The following EFNA5 variants were observed in gnomAD, a reference collection of about 807,000 sequenced individuals.
EFNA5 encodes the protein ephrin-A5.
In EFNA5, 5 loss-of-function variants were observed where a neutral mutation model predicts 22.9. The observed-to-expected ratio is 0.22, with a 90% confidence interval of 0.11 to 0.46. EFNA5 has a LOEUF of 0.46. Among genes scored for constraint, EFNA5 ranks in the 20% least tolerant of loss-of-function variants. The pLI is 0.99. For synonymous variants in EFNA5, 113 were observed against 112.2 expected (o/e 1.01, Z -0.04); for missense variants, 237 against 293.3 (o/e 0.81, Z 1.40).
At chr5:107,525,772 TG>T (rs1299164486) in intron 1 of EFNA5, among the ~76,000 whole-genome samples, 11 of 151,276 alleles carry the variant, frequency 7.3e-5, no homozygotes, top group African/African-American at 2.7e-4. Flanking sequence ...GCAGAAGAGG[TG>T]GAAGAGGCTG....
chr5:107,616,546 C>T (rs1451921322), intron 1 of EFNA5, among the ~76,000 whole-genome samples: 1 of 152,072 alleles, frequency 6.6e-6, no homozygotes, highest in Non-Finnish European at 1.5e-5. Context: ...CATGCACATT[C>T]TTTTTAAAAA....
chr5:107,670,462 C>T (rs914646191), intron 1 of EFNA5, 27 bp downstream of exon 1: 6 of 1,547,600 alleles, frequency 3.9e-6, no homozygotes, highest in Non-Finnish European at 5.2e-6. Context: ...CCGGGTAGCC[C>T]TGGCTCTCCG....
At chr5:107,652,766 A>G (rs990542456) in intron 1 of EFNA5, among the ~76,000 whole-genome samples, 7 of 152,294 alleles carry the variant, frequency 4.6e-5, no homozygotes, top group East Asian at 3.9e-4. Flanking sequence ...TCACTAAAAC[A>G]TAAGTCAGCC....
chr5:107,581,779 C>T (rs1417818522), intron 1 of EFNA5, among the ~76,000 whole-genome samples: 1 of 152,186 alleles, frequency 6.6e-6, no homozygotes, highest in African/African-American at 2.4e-5. Context: ...AAAACAGATC[C>T]TTTTATATCT....
At chr5:107,538,615 A>G (rs1195447879) in intron 1 of EFNA5, among the ~76,000 whole-genome samples, 1 of 152,242 alleles carries the variant, frequency 6.6e-6, no homozygotes, top group African/African-American at 2.4e-5. Context: ...AGTAAAATGT[A>G]TTCAGTAAAC....
intron 4 of EFNA5, among the ~76,000 whole-genome samples, chr5:107,381,717 A>T (rs1019925381): frequency 6.6e-6 from 1 of 152,086 alleles, no homozygotes; most frequent in African/African-American, 2.4e-5. Flanking sequence ...TTTGAAACCT[A>T]AGATGTCACA....
intron 2 of EFNA5, among the ~76,000 whole-genome samples, chr5:107,415,190 T>C (rs1425826747): frequency 6.6e-6 from 1 of 152,268 alleles, no homozygotes; most frequent in Non-Finnish European, 1.5e-5. Context: ...TATATATATA[T>C]ATACATATGG....
chr5:107,542,559 G>C (rs575018872), intron 1 of EFNA5, among the ~76,000 whole-genome samples: 2 of 152,006 alleles, frequency 1.3e-5, no homozygotes, highest in Non-Finnish European at 2.9e-5. Context: ...GTATAAGGGG[G>C]GGGTGCGGGG....
At chr5:107,381,484 T>C in intron 4 of EFNA5, 108 bp from the exon 5 acceptor site, 1 of 1,254,844 alleles carries the variant, frequency 8.0e-7, no homozygotes, top group Non-Finnish European at 1.1e-6. Context: ...AGTAGGGTAA[T>C]GAACCTTGTG....
At chr5:107,670,034 A>T (rs1247507988) in intron 1 of EFNA5, among the ~76,000 whole-genome samples, 61 of 55,144 alleles carry the variant, frequency 1.1e-3, no homozygotes, top group African/African-American at 3.0e-3. Flanking sequence ...TAAAATTAAA[A>T]AAAAAAAAAA....
intron 1 of EFNA5, among the ~76,000 whole-genome samples, chr5:107,552,433 T>G (rs1748319990): frequency 6.6e-6 from 1 of 151,956 alleles, no homozygotes. Context: ...ATTTAATAGG[T>G]GAGGAAACTG....
intron 1 of EFNA5, among the ~76,000 whole-genome samples, chr5:107,512,642 G>A (rs565924657): frequency 5.7e-4 from 87 of 152,172 alleles, no homozygotes; most frequent in African/African-American, 2.0e-3. Context: ...ACACCATGGT[G>A]TTTTTGCAAA....
chr5:107,397,858 T>C (rs1747971503), intron 2 of EFNA5, among the ~76,000 whole-genome samples: 1 of 152,156 alleles, frequency 6.6e-6, no homozygotes, highest in Non-Finnish European at 1.5e-5. Context: ...TTTATGTTGA[T>C]TGAGTGGAGA....
chr5:107,668,262 T>C (rs1751116047), intron 1 of EFNA5, among the ~76,000 whole-genome samples: 2 of 152,198 alleles, frequency 1.3e-5, no homozygotes, highest in African/African-American at 4.8e-5. Context: ...CTCTTGGTAT[T>C]TTAAAATTCT....
chr5:107,498,211 C>G (rs1018280458), intron 1 of EFNA5, among the ~76,000 whole-genome samples: 8 of 152,342 alleles, frequency 5.3e-5, no homozygotes, highest in Admixed American at 2.0e-4. Flanking sequence ...CCAACAAGCC[C>G]GGCCTACAAT....
chr5:107,495,312 G>A (rs548430029), intron 1 of EFNA5, among the ~76,000 whole-genome samples: 38 of 152,276 alleles, frequency 2.5e-4, no homozygotes, highest in Non-Finnish European at 4.1e-4. Context: ...CTTAAGAGCT[G>A]TAACACTCAC....
At chr5:107,535,040 G>A (rs1747900112) in intron 1 of EFNA5, among the ~76,000 whole-genome samples, 1 of 152,242 alleles carries the variant, frequency 6.6e-6, no homozygotes, top group Middle Eastern at 3.4e-3. Context: ...ATGCCTTTTT[G>A]ATGAAAAGTG....
At chr5:107,461,532 G>A (rs78557412) in intron 1 of EFNA5, among the ~76,000 whole-genome samples, 1 of 152,104 alleles carries the variant, frequency 6.6e-6, no homozygotes, top group Non-Finnish European at 1.5e-5. Flanking sequence ...TGAGGCAAGA[G>A]AGGACGGGGG....
intron 1 of EFNA5, among the ~76,000 whole-genome samples, chr5:107,516,223 C>T (rs528538598): frequency 9.1e-6 from 1 of 109,624 alleles, no homozygotes; most frequent in African/African-American, 2.9e-5. Context: ...AATTTTTGGA[C>T]AGACGAGTTT....
Sources: allele counts gnomAD v4.1 joint callset (sites outside exome capture counted in the v4.1 genomes callset), GRCh38; gene constraint gnomAD v4.1.1; transcripts MANE v1.5; gene names NCBI Gene and HGNC (gene_info 2026-07-23, HGNC 2026-07-21).